ARL15: variants seen among roughly 807,000 people sequenced by gnomAD.
The protein encoded by ARL15 is ADP-ribosylation factor-like protein 15.
ARL15 carries 19 observed loss-of-function variants against 25.2 expected under a neutral mutation model. The ratio of observed to expected loss-of-function variants is 0.75; its 90% CI spans 0.53 to 1.10. The LOEUF is 1.10. Among genes scored for constraint, ARL15 ranks in the 50% least tolerant of loss-of-function variants. ARL15 has a pLI of 0.00. For synonymous variants in ARL15, 94 were observed against 86.8 expected, an observed-to-expected ratio of 1.08 and a Z score of -0.46; for missense variants, 220 against 246.0, an observed-to-expected ratio of 0.89 and a Z score of 0.71.
At chr5:54,089,290 C>A (rs940222619) in intron 4 of ARL15, among the ~76,000 whole-genome samples, 5 of 152,156 alleles carry the variant, frequency 3.3e-5, no homozygotes, top group Admixed American at 3.3e-4. Context: ...TTAGACTGTA[C>A]GTTAATTAAG....
intron 1 of ARL15, among the ~76,000 whole-genome samples, chr5:54,255,291 A>C (rs989366731): frequency 6.6e-6 from 1 of 152,202 alleles, no homozygotes; most frequent in Non-Finnish European, 1.5e-5. Context: ...ACAAAGGAGA[A>C]TGTTTAAAAC....
intron 4 of ARL15, among the ~76,000 whole-genome samples, chr5:53,906,620 C>CT (rs557208651): frequency 1.6e-3 from 249 of 152,294 alleles, no homozygotes; most frequent in African/African-American, 5.5e-3. Context: ...AATATATTAA[C>CT]TAACACTCAT....
At chr5:54,070,678 T>C (rs919938539) in intron 4 of ARL15, among the ~76,000 whole-genome samples, 1 of 150,856 alleles carries the variant, frequency 6.6e-6, no homozygotes, top group African/African-American at 2.4e-5. Context: ...CTGTATATAC[T>C]AAAAATACAA....
At chr5:53,897,065 C>T (rs1470958659) in intron 4 of ARL15, among the ~76,000 whole-genome samples, 1 of 152,154 alleles carries the variant, frequency 6.6e-6, no homozygotes, top group African/African-American at 2.4e-5. Flanking sequence ...CCATCTTGCT[C>T]TACAGATATT....
chr5:54,193,808 T>C lies in ARL15; in HGVS notation c.49-21880A>G, dbSNP rs138086048. Among the ~76,000 whole-genome samples, 779 of 152,152 alleles carry C rather than the reference T, an allele frequency of 5.1e-3. 9 individuals carry two copies. Among genetic ancestry groups the C allele is most frequent in the African/African-American group, 0.018 (750 of 41,494 alleles). On this transcript the variant is annotated intron_variant, in intron 1 of 4. Coordinates refer to ENST00000504924, the MANE Select transcript of ARL15 (RefSeq NM_019087.3). ...ATCATAGGTGCTCAATAAATATTTGTTGATTTCCTGAAATAGCTCACATGG... is the reference window on the plus strand; with the variant it reads ...ATCATAGGTGCTCAATAAATATTTGCTGATTTCCTGAAATAGCTCACATGG...
chr5:53,949,547 A>G (rs1746875719), intron 4 of ARL15, among the ~76,000 whole-genome samples: 1 of 152,218 alleles, frequency 6.6e-6, no homozygotes, highest in African/African-American at 2.4e-5. Flanking sequence ...AGCATGCATA[A>G]GATCAAACAC....
At chr5:54,014,638 A>G (rs1353935503) in intron 4 of ARL15, among the ~76,000 whole-genome samples, 3 of 151,908 alleles carry the variant, frequency 2.0e-5, no homozygotes, top group African/African-American at 7.3e-5. Context: ...CTCCTGTCTC[A>G]GCCTCCCAAG....
At chr5:54,263,919 T>A (rs1467550168) in intron 1 of ARL15, among the ~76,000 whole-genome samples, 1 of 152,056 alleles carries the variant, frequency 6.6e-6, no homozygotes, top group Non-Finnish European at 1.5e-5. Context: ...AGCATTACCA[T>A]CCACTCATTT....
chr5:53,966,444 G>A (rs187995344), intron 4 of ARL15, among the ~76,000 whole-genome samples: 4 of 152,316 alleles, frequency 2.6e-5, no homozygotes, highest in African/African-American at 7.2e-5. Context: ...TCTGTGTGCT[G>A]CTCCAGCAAG....
chr5:54,126,869 C>CT (rs1022863355), intron 3 of ARL15, among the ~76,000 whole-genome samples: 45 of 151,508 alleles, frequency 3.0e-4, no homozygotes, highest in African/African-American at 1.1e-3. Context: ...TATTATTATA[C>CT]TTTAAGTTTT....
chr5:53,932,975 T>C (rs76159657), intron 4 of ARL15, among the ~76,000 whole-genome samples: 4,410 of 152,334 alleles, frequency 0.029, 247 homozygotes, highest in African/African-American at 0.1. Context: ...TAGGGCTTAA[T>C]TGAAAGTAAT....
intron 1 of ARL15, among the ~76,000 whole-genome samples, chr5:54,300,011 C>T (rs1758574573): frequency 6.6e-6 from 1 of 152,138 alleles, no homozygotes; most frequent in Non-Finnish European, 1.5e-5. Flanking sequence ...CAAACTTCTC[C>T]CTTTCCCACC....
chr5:54,306,872 C>T (rs1178059513), intron 1 of ARL15, among the ~76,000 whole-genome samples: 1 of 152,308 alleles, frequency 6.6e-6, no homozygotes, highest in African/African-American at 2.4e-5. Flanking sequence ...TGAGTCAAGA[C>T]AGAAAATTTT....
chr5:54,113,148 G>C (rs756594407), intron 4 of ARL15, 54 bp downstream of exon 4: 19 of 1,563,626 alleles, frequency 1.2e-5, no homozygotes, highest in Non-Finnish European at 1.5e-5. Context: ...TTCCAACGTG[G>C]CAGCAAAAGT....
At chr5:54,078,245 C>G (rs754336999) in intron 4 of ARL15, among the ~76,000 whole-genome samples, 70 of 152,152 alleles carry the variant, frequency 4.6e-4, no homozygotes, top group Non-Finnish European at 7.4e-4. Flanking sequence ...AACTGAAAAC[C>G]CTCAGAATAG....
At chr5:54,241,454 C>A (rs1185674562) in intron 1 of ARL15, among the ~76,000 whole-genome samples, 1 of 152,088 alleles carries the variant, frequency 6.6e-6, no homozygotes, top group African/African-American at 2.4e-5. Flanking sequence ...TCTTTTATTT[C>A]TTTACCTATA....
intron 1 of ARL15, among the ~76,000 whole-genome samples, chr5:54,239,410 A>AC (rs1235326644): frequency 4.6e-5 from 7 of 152,182 alleles, no homozygotes; most frequent in Non-Finnish European, 1.0e-4. Context: ...TACACTTAAG[A>AC]CTTACACGAG....
At chr5:53,904,901 T>C (rs1217951245) in intron 4 of ARL15, among the ~76,000 whole-genome samples, 3 of 152,084 alleles carry the variant, frequency 2.0e-5, no homozygotes, top group Non-Finnish European at 4.4e-5. Flanking sequence ...CTAATTTTTG[T>C]ATTTTTAGTA....
chr5:54,075,435 C>G (rs1053052068), intron 4 of ARL15: 9 of 153,554 alleles, frequency 5.9e-5, no homozygotes, highest in African/African-American at 1.9e-4. Flanking sequence ...AGGCGAAAAG[C>G]AAAAACAGAA....
Sources: gnomAD v4.1 joint callset for allele counts (sites outside exome capture counted in the v4.1 genomes callset) on GRCh38, gnomAD v4.1.1 for gene constraint, MANE v1.5 for transcripts, NCBI Gene and HGNC (gene_info 2026-07-23, HGNC 2026-07-21) for gene names.